Variants in RBFOX3 observed in about 807,000 individuals in gnomAD.
RBFOX3 encodes RNA binding fox-1 homolog 3, also known as RNA binding protein fox-1 homolog 3.
Under a neutral mutation model 48.7 loss-of-function variants are expected in RBFOX3, and 17 were observed. The ratio of observed to expected loss-of-function variants is 0.35; its 90% CI spans 0.24 to 0.52. The LOEUF is 0.52. Ranked by LOEUF, RBFOX3 falls within the 20% of genes least tolerant of loss-of-function variation. RBFOX3 has a pLI of 0.94. For missense variants in RBFOX3, 382 were observed against 497.5 expected, an observed-to-expected ratio of 0.77 and a Z score of 2.21; for synonymous variants, 212 against 209.5, an observed-to-expected ratio of 1.01 and a Z score of -0.10.
At chr17:79,557,442 G>A (rs1453456596) in intron 1 of RBFOX3, among the ~76,000 whole-genome samples, 3 of 146,126 alleles carry the variant, frequency 2.1e-5, no homozygotes, top group Non-Finnish European at 4.5e-5. Flanking sequence ...TCTACTCACA[G>A]CCAAGCCCCC....
At chr17:79,578,609 C>T (rs906419280) in intron 1 of RBFOX3, among the ~76,000 whole-genome samples, 3 of 152,252 alleles carry the variant, frequency 2.0e-5, no homozygotes, top group African/African-American at 7.2e-5. Flanking sequence ...GCACCTTTTC[C>T]GCATCCTCAA....
chr17:79,596,123 A>G (rs2093562541), intron 1 of RBFOX3, among the ~76,000 whole-genome samples: 1 of 152,166 alleles, frequency 6.6e-6, no homozygotes, highest in Non-Finnish European at 1.5e-5. Flanking sequence ...GGGTGGCTCA[A>G]AGAGACATCT....
intron 4 of RBFOX3, among the ~76,000 whole-genome samples, chr17:79,188,538 G>T (rs1278977734): frequency 6.6e-6 from 1 of 152,164 alleles, no homozygotes; most frequent in Non-Finnish European, 1.5e-5. Flanking sequence ...TGAGATATAT[G>T]GGCAGAGCCA....
chr17:79,548,668 G>A (rs868990614), intron 1 of RBFOX3, among the ~76,000 whole-genome samples: 7 of 152,340 alleles, frequency 4.6e-5, no homozygotes, highest in Admixed American at 1.3e-4. Context: ...TCCAGGCAAT[G>A]CAGCCCACTG....
intron 3 of RBFOX3, among the ~76,000 whole-genome samples, chr17:79,267,256 C>T (rs972837586): frequency 2.6e-5 from 4 of 152,150 alleles, no homozygotes; most frequent in African/African-American, 4.8e-5. Flanking sequence ...GAGTCATACT[C>T]TTTGGCGGGT....
At chr17:79,537,438 C>A (rs577051676) in intron 1 of RBFOX3, among the ~76,000 whole-genome samples, 11 of 152,276 alleles carry the variant, frequency 7.2e-5, no homozygotes, top group Non-Finnish European at 1.3e-4. Flanking sequence ...CAAATAAAGT[C>A]CCATTCACAT....
chr17:79,626,872 A>C, the RBFOX3 span, among the ~76,000 whole-genome samples: 1 of 152,182 alleles, frequency 6.6e-6, no homozygotes, highest in East Asian at 1.9e-4. Flanking sequence ...CACTTCTGAG[A>C]AAATTAACTT....
At chr17:79,631,440 G>T in the RBFOX3 span, among the ~76,000 whole-genome samples, 10 of 152,126 alleles carry the variant, frequency 6.6e-5, no homozygotes, top group Non-Finnish European at 1.0e-4. Flanking sequence ...TTACAAGCCA[G>T]TGTCAGACAC....
intron 2 of RBFOX3, among the ~76,000 whole-genome samples, chr17:79,325,520 C>T (rs981226931): frequency 2.6e-5 from 4 of 152,092 alleles, no homozygotes; most frequent in African/African-American, 7.2e-5. Context: ...ATGTGGGAGA[C>T]CCGATAGAGA....
At chr17:79,629,552 C>A in the RBFOX3 span, among the ~76,000 whole-genome samples, 1 of 152,088 alleles carries the variant, frequency 6.6e-6, no homozygotes. Flanking sequence ...GATTCGGAGT[C>A]AGTGTAATCT....
the RBFOX3 span, among the ~76,000 whole-genome samples, chr17:79,620,651 ACATG>A: frequency 3.9e-4 from 1 of 2,554 alleles, no homozygotes; most frequent in Non-Finnish European, 1.0e-3. Flanking sequence ...ACACACACGG[ACATG>A]CACACACGCA....
At chr17:79,656,786 GAAAGAAAGAAAGAAAGAAAGA>G in the RBFOX3 span, among the ~76,000 whole-genome samples, 1 of 3,402 alleles carries the variant, frequency 2.9e-4, no homozygotes, top group African/African-American at 1.4e-3. Flanking sequence ...AGGAAAGAAA[GAAAGAAAGAAAGAAAGAAAGA>G]AAAGAAAGAG....
intron 4 of RBFOX3, among the ~76,000 whole-genome samples, chr17:79,141,870 G>T (rs1053478109): frequency 1.3e-5 from 2 of 152,174 alleles, no homozygotes; most frequent in Admixed American, 6.5e-5. Context: ...CCTGCTGCCT[G>T]GGCACCCCAA....
At chr17:79,560,738 T>C (rs1458024702) in intron 1 of RBFOX3, among the ~76,000 whole-genome samples, 3 of 152,028 alleles carry the variant, frequency 2.0e-5, no homozygotes, top group Admixed American at 1.3e-4. Flanking sequence ...CCCCACCCAC[T>C]TCCCCACCCA....
intron 2 of RBFOX3, among the ~76,000 whole-genome samples, chr17:79,404,967 C>T (rs957127380): frequency 1.3e-5 from 2 of 152,192 alleles, no homozygotes; most frequent in Non-Finnish European, 2.9e-5. Context: ...AGTCTAGACT[C>T]CAGGAAATCA....
chr17:79,607,081 C>T (rs1311247998), intron 1 of RBFOX3, among the ~76,000 whole-genome samples: 3 of 152,204 alleles, frequency 2.0e-5, no homozygotes, highest in Non-Finnish European at 4.4e-5. Context: ...TGGAGAGATG[C>T]TGCAGCTTAT....
chr17:79,616,750 G>C, the RBFOX3 span, among the ~76,000 whole-genome samples: 1 of 152,104 alleles, frequency 6.6e-6, no homozygotes, highest in African/African-American at 2.4e-5. Flanking sequence ...AGCCCCACAC[G>C]ACCTGAGGGA....
Position 79,138,825 on chromosome 17 carries a change from T to TTA in RBFOX3, c.-33-23078_-33-23077insTA, listed in dbSNP as rs1568207126. ...CCCACACACATGCGTTCACACCCCCTCACCCACACACATGCACACAGCACA... is the reference window on the plus strand; with the variant it reads ...CCCACACACATGCGTTCACACCCCCTTACACCCACACACATGCACACAGCACA... On this transcript the variant is annotated intron_variant, in intron 4 of 14. Coordinates refer to ENST00000693108, the MANE Select transcript of RBFOX3 (RefSeq NM_001350451.2). Among the ~76,000 whole-genome samples, 8 of 63,478 alleles carry TTA rather than the reference T, an allele frequency of 1.3e-4. No individual in the cohort carries two copies. The South Asian group carries it at 4.9e-3, about 39-fold the overall frequency. The allele number at this position is 63,478 out of a possible 152,430, so 41.6% of individuals were successfully genotyped here.
intron 3 of RBFOX3, among the ~76,000 whole-genome samples, chr17:79,256,051 C>G (rs4789975): frequency 0.97 from 147,852 of 151,850 alleles, 72,112 homozygotes; most frequent in Middle Eastern, 1. Context: ...TCCATACCAC[C>G]AACTTCCCTG....
Sources: gnomAD v4.1 joint callset for allele counts (sites outside exome capture counted in the v4.1 genomes callset) on GRCh38, gnomAD v4.1.1 for gene constraint, MANE v1.5 for transcripts, NCBI Gene and HGNC (gene_info 2026-07-23, HGNC 2026-07-21) for gene names.